The following MCF2L2 variants were observed in gnomAD, a reference collection of about 807,000 sequenced individuals.
MCF2L2 encodes the protein MCF.2 cell line derived transforming sequence-like 2, also known as probable guanine nucleotide exchange factor MCF2L2.
Under a neutral mutation model 150.2 loss-of-function variants are expected in MCF2L2, and 102 were observed. The ratio of observed to expected loss-of-function variants is 0.68; its 90% CI spans 0.58 to 0.80. The LOEUF is 0.80. Among genes scored for constraint, MCF2L2 ranks in the 30% least tolerant of loss-of-function variants. The pLI is 0.00. For synonymous variants in MCF2L2, 465 were observed against 491.3 expected (o/e 0.95, Z 0.71); for missense variants, 1,256 against 1,372.8 (o/e 0.91, Z 1.34).
chr3:183,229,937 T>C (rs1372181020), intron 16 of MCF2L2, among the ~76,000 whole-genome samples, 156 bp from the exon 17 acceptor site: 1 of 152,210 alleles, frequency 6.6e-6, no homozygotes, highest in African/African-American at 2.4e-5. Context: ...TCTTTTGATA[T>C]CATTTTCCTC....
chr3:183,215,873 T>A, intron 22 of MCF2L2, 96 bp downstream of exon 22: 1 of 1,436,158 alleles, frequency 7.0e-7, no homozygotes, highest in Non-Finnish European at 9.3e-7. Context: ...TCCTTTACCA[T>A]AGACGATCTC....
In MCF2L2 at chr3:183,320,222, AGCT is replaced by A. The variant is rs369011677; in HGVS notation, c.604-2008_604-2006del. On this transcript the variant is annotated intron_variant, in intron 6 of 29. Transcript: ENST00000328913. ...ATTCTCCTGCCTCAGCCTCCTGAGT[AGCT>A]GGGATGACAGGCACCCGCCACCACG... Among the ~76,000 whole-genome samples, 484 of 151,472 alleles carry A rather than the reference AGCT, an allele frequency of 3.2e-3. 3 individuals carry two copies. The highest frequency in any genetic ancestry group is 0.017 in the Middle Eastern group (5 of 292).
At chr3:183,196,174 C>T (rs1436051697) in intron 25 of MCF2L2, among the ~76,000 whole-genome samples, 1 of 152,158 alleles carries the variant, frequency 6.6e-6, no homozygotes, top group Non-Finnish European at 1.5e-5. Flanking sequence ...CTCTTCCCTG[C>T]CCAAGCCCTA....
At position 183,217,139 on chromosome 3, in the gene MCF2L2, C is replaced by T. The variant is rs143894576; in HGVS notation, c.2371-1045G>A. Among the ~76,000 whole-genome samples, 611 of 150,768 alleles carry T rather than the reference C, an allele frequency of 4.1e-3. 2 individuals carry two copies. The highest frequency in any genetic ancestry group is 7.0e-3 in the Non-Finnish European group (474 of 67,652). ...TGAAACCCCGTCTCTACTAAAAATA[C>T]AAAAATTAGCTTAGTGTGGTGGTGG... On this transcript the variant is annotated intron_variant, in intron 21 of 29. Coordinates refer to ENST00000328913, the MANE Select transcript of MCF2L2 (RefSeq NM_015078.4).
At chr3:183,342,103 C>T (rs1384339510) in intron 3 of MCF2L2, among the ~76,000 whole-genome samples, 1 of 152,178 alleles carries the variant, frequency 6.6e-6, no homozygotes, top group East Asian at 1.9e-4. Flanking sequence ...AAAGCAACCC[C>T]CTGGCAGTGC....
intron 5 of MCF2L2, among the ~76,000 whole-genome samples, chr3:183,334,537 C>T (rs891698726): frequency 2.6e-5 from 4 of 151,876 alleles, no homozygotes; most frequent in African/African-American, 9.7e-5. Flanking sequence ...CCTGTAATAC[C>T]GGCACTTTGG....
At chr3:183,375,369 CT>C (rs1251995210) in intron 3 of MCF2L2, 1 of 152,262 alleles carries the variant, frequency 6.6e-6, no homozygotes, top group African/African-American at 2.4e-5. Flanking sequence ...CAAGAACCCT[CT>C]CTTACAGGTC....
intron 14 of MCF2L2, among the ~76,000 whole-genome samples, chr3:183,284,198 C>T (rs865828972): frequency 6.6e-6 from 1 of 152,128 alleles, no homozygotes; most frequent in East Asian, 1.9e-4. Flanking sequence ...ATTCAGCTCC[C>T]TCAACAAAAA....
chr3:183,186,325 C>G (rs968551429), intron 27 of MCF2L2, among the ~76,000 whole-genome samples: 6 of 152,172 alleles, frequency 3.9e-5, no homozygotes, highest in African/African-American at 1.4e-4. Flanking sequence ...ACAATCATGG[C>G]TTACGGCAGC....
intron 2 of MCF2L2, among the ~76,000 whole-genome samples, chr3:183,385,937 G>T (rs1713806131): frequency 6.6e-6 from 1 of 152,126 alleles, no homozygotes; most frequent in African/African-American, 2.4e-5. Flanking sequence ...CTAATGTCTG[G>T]AATTGCAGCA....
At chr3:183,214,822 TAA>T (rs1722855224) in intron 22 of MCF2L2, among the ~76,000 whole-genome samples, 1 of 135,058 alleles carries the variant, frequency 7.4e-6, no homozygotes, top group African/African-American at 2.9e-5. Context: ...CCGTCTCTAC[TAA>T]AAATACAAAA....
chr3:183,238,995 C>CAAAAAA (rs60736939), intron 15 of MCF2L2, among the ~76,000 whole-genome samples: 4 of 88,894 alleles, frequency 4.5e-5, no homozygotes, highest in East Asian at 3.4e-4. Context: ...ATATCCGTCT[C>CAAAAAA]AAAAAAAAAA....
At chr3:183,350,685 A>T (rs1367536160) in intron 3 of MCF2L2, among the ~76,000 whole-genome samples, 1 of 152,188 alleles carries the variant, frequency 6.6e-6, no homozygotes, top group Non-Finnish European at 1.5e-5. Context: ...CAGGTGGATC[A>T]CGAGGTCAGG....
Position 183,297,148 on chromosome 3 carries a change from G to A in MCF2L2, c.1325C>T (p.Ala442Val). Reference sequence around the variant, plus strand: ...TTGGGAAGCCAAGAGGTAGATTCCTGCCTCACACCATTGGCTGACCTTTTG... The same window carrying A: ...TTGGGAAGCCAAGAGGTAGATTCCTACCTCACACCATTGGCTGACCTTTTG... ...QLDKVSQWCEAGIYLLASQAV... is the reference protein window; with the variant it reads ...QLDKVSQWCEVGIYLLASQAV... Residue 442 changes from alanine to valine, a missense_variant, in exon 12 of 30, where the codon GCA (alanine) becomes GTA (valine). Ala to Val is a moderately conservative substitution (Grantham distance 64). Coordinates refer to ENST00000328913, the MANE Select transcript of MCF2L2 (RefSeq NM_015078.4). The A allele has an allele frequency of 1.2e-6, 2 of 1,614,010 alleles. No homozygotes were observed. The highest frequency in any genetic ancestry group is 1.7e-6 in the Non-Finnish European group (2 of 1,179,954).
In MCF2L2 at chr3:183,216,052, G is replaced by A; in HGVS notation, c.2413C>T (p.Leu805=). 6.2e-7 allele frequency: 1 copy of A among 1,614,000 alleles called. No individual in the cohort carries two copies. The highest frequency in any genetic ancestry group is 8.5e-7 in the Non-Finnish European group (1 of 1,179,930). The change falls in exon 22 of 30, where the codon CTA becomes TTA. Residue 805 remains leucine (L), a synonymous_variant. Coordinates refer to ENST00000328913, the MANE Select transcript of MCF2L2 (RefSeq NM_015078.4). The stretch of plus-strand genomic sequence containing the variant: ...TCTATCACTGCCAAAGCTTGTTGTA[G>A]TTCAGTTGAGAATGCTGAATCTTTG... ...RTKDSAFSTE[L]QQALAVIEDL...
At chr3:183,226,346 G>A (rs1813856) in intron 18 of MCF2L2, 76,874 of 152,020 alleles carry the variant, frequency 0.51, 20,706 homozygotes, top group East Asian at 0.69. Flanking sequence ...GGGAGGGTGA[G>A]GCAGGAGAAT....
Position 183,205,790 on chromosome 3 carries a change from C to G in MCF2L2, c.2884+86G>C. On this transcript the variant is annotated intron_variant, in intron 25 of 29. Coordinates refer to ENST00000328913, the MANE Select transcript of MCF2L2 (RefSeq NM_015078.4). ...AGTTGTTTTCCCAGCAAACCATTTT[C>G]TTTCACAATATCCCCAATTTGCACA... 3 of 998,742 alleles carry G rather than the reference C, an allele frequency of 3.0e-6. No individual in the cohort carries two copies. The Admixed American group carries it at 6.5e-5, about 22-fold the overall frequency. 61.9% of individuals were successfully genotyped at this position (998,742 alleles called of 1,614,324 possible).
At chr3:183,315,467 T>C (rs1390320878) in intron 7 of MCF2L2, among the ~76,000 whole-genome samples, 2 of 152,238 alleles carry the variant, frequency 1.3e-5, no homozygotes, top group Admixed American at 6.5e-5. Context: ...TGGAACCTTC[T>C]AATTTCCTTT....
rs147834657 is a variant in MCF2L2 at position 183,192,500 on chromosome 3, C to T, written c.3016+499G>A. ...ACACAAACACTGTGATCCTAACAGT[C>T]GATTTAATCACCAAGATGGCTATAA... On this transcript the variant is annotated intron_variant, in intron 27 of 29. Transcript: ENST00000328913. 7.1e-3 allele frequency: 1,084 copies of T among 153,004 alleles called. 14 individuals carry two copies. The highest frequency in any genetic ancestry group is 0.024 in the African/African-American group (999 of 41,534). The allele number at this position is 153,004 out of a possible 1,614,324, so 9.5% of individuals were successfully genotyped here.
Sources: allele counts gnomAD v4.1 joint callset (sites outside exome capture counted in the v4.1 genomes callset), GRCh38; gene constraint gnomAD v4.1.1; transcripts MANE v1.5; gene names NCBI Gene and HGNC (gene_info 2026-07-23, HGNC 2026-07-21).